Variants in GALNT17 observed in about 807,000 individuals in gnomAD.
GALNT17 encodes the protein UDP-GalNAc:polypeptide N-acetylgalactosaminyltransferase-like 3.
In GALNT17, 29 loss-of-function variants were observed where a neutral mutation model predicts 63.7. The observed-to-expected ratio is 0.46, with a 90% CI of 0.34 to 0.62. The LOEUF (loss-of-function observed/expected upper bound fraction) is 0.62. Among genes scored for constraint, GALNT17 ranks in the 20% least tolerant of loss-of-function variants. GALNT17 has a pLI of 0.01. For synonymous variants in GALNT17, 305 were observed against 318.3 expected (o/e 0.96, Z 0.45); for missense variants, 603 against 799.6 (o/e 0.75, Z 2.97).
chr7:71,625,807 A>G (rs1279119053), intron 6 of GALNT17, among the ~76,000 whole-genome samples: 1 of 152,164 alleles, frequency 6.6e-6, no homozygotes, highest in Non-Finnish European at 1.5e-5. Context: ...GCTAAATTGT[A>G]TACTCCAAAC....
chr7:71,379,997 C>T (rs866285960), intron 2 of GALNT17, among the ~76,000 whole-genome samples: 2 of 152,030 alleles, frequency 1.3e-5, no homozygotes, highest in Non-Finnish European at 2.9e-5. Context: ...GAGAAAAAGC[C>T]CAGATAGGAA....
Position 71,488,837 on chromosome 7 carries a change from C to T in GALNT17, c.962+67732C>T, listed in dbSNP as rs1232469525. Among the ~76,000 whole-genome samples, 8 of 150,414 alleles carry T rather than the reference C, an allele frequency of 5.3e-5. No homozygotes were observed. In the East Asian group the frequency reaches 1.4e-3, roughly 26 times the overall value. ...CCTCAAGTGATCCACCTGCCTCAACCTCCCAAAGTGCTGGGATTACAGGCA... is the reference window on the plus strand; with the variant it reads ...CCTCAAGTGATCCACCTGCCTCAACTTCCCAAAGTGCTGGGATTACAGGCA... On this transcript the variant is annotated intron_variant, in intron 5 of 10. Coordinates refer to ENST00000333538, the MANE Select transcript of GALNT17 (RefSeq NM_022479.3).
At chr7:71,461,193 C>G (rs1787444966) in intron 5 of GALNT17, among the ~76,000 whole-genome samples, 1 of 151,942 alleles carries the variant, frequency 6.6e-6, no homozygotes, top group Non-Finnish European at 1.5e-5. Context: ...ATGCAGCAAC[C>G]CATTTTTCTA....
intron 1 of GALNT17, among the ~76,000 whole-genome samples, chr7:71,184,872 C>T (rs936009506): frequency 2.0e-5 from 3 of 152,006 alleles, no homozygotes; most frequent in African/African-American, 7.2e-5. Flanking sequence ...GATGTGGAGG[C>T]AGCCTGCTGC....
intron 1 of GALNT17, among the ~76,000 whole-genome samples, chr7:71,273,777 G>T (rs984171800): frequency 3.3e-5 from 5 of 152,082 alleles, no homozygotes; most frequent in Non-Finnish European, 7.4e-5. Context: ...TGAAAAGTTT[G>T]ACTTTTAACT....
chr7:71,498,056 C>T (rs1412803035), intron 5 of GALNT17, among the ~76,000 whole-genome samples: 3 of 152,328 alleles, frequency 2.0e-5, no homozygotes, highest in African/African-American at 4.8e-5. Context: ...AGAATTCAGA[C>T]GTGAATGTCC....
At chr7:71,616,222 T>G (rs1197714855) in intron 6 of GALNT17, among the ~76,000 whole-genome samples, 1 of 151,972 alleles carries the variant, frequency 6.6e-6, no homozygotes, top group Non-Finnish European at 1.5e-5. Flanking sequence ...TCGAGTACCC[T>G]AGGGTGGGCG....
chr7:71,520,737 A>T (rs1454723369), intron 5 of GALNT17, among the ~76,000 whole-genome samples: 1 of 152,042 alleles, frequency 6.6e-6, no homozygotes, highest in Non-Finnish European at 1.5e-5. Context: ...CGTTGGAAAG[A>T]TTACTAGGCT....
intron 2 of GALNT17, among the ~76,000 whole-genome samples, chr7:71,346,305 A>G (rs987135810): frequency 1.3e-5 from 2 of 152,180 alleles, no homozygotes; most frequent in South Asian, 4.1e-4. Context: ...TCACATGGAC[A>G]CAGAGAGTAG....
chr7:71,441,031 G>GT (rs201337709), intron 5 of GALNT17, among the ~76,000 whole-genome samples: 3,442 of 149,316 alleles, frequency 0.023, 128 homozygotes, highest in African/African-American at 0.079. Flanking sequence ...TTTTTTTTTG[G>GT]TTTTTTTTTG....
At chr7:71,512,083 A>C (rs1563146465) in intron 5 of GALNT17, among the ~76,000 whole-genome samples, 2 of 149,338 alleles carry the variant, frequency 1.3e-5, no homozygotes, top group Non-Finnish European at 3.0e-5. Context: ...ACTCACTGCA[A>C]CATCCTCCTC....
chr7:71,666,594 C>T (rs1436855257), intron 7 of GALNT17, among the ~76,000 whole-genome samples: 1 of 151,828 alleles, frequency 6.6e-6, no homozygotes, highest in Non-Finnish European at 1.5e-5. Context: ...TCCATTGTAT[C>T]GTTCTTATAC....
chr7:71,567,426 C>T (rs1562693895), intron 5 of GALNT17, among the ~76,000 whole-genome samples: 1 of 152,202 alleles, frequency 6.6e-6, no homozygotes, highest in Non-Finnish European at 1.5e-5. Flanking sequence ...CAGGTTTTCT[C>T]TTGTTTAATC....
chr7:71,708,128 A>G (rs116625548), intron 9 of GALNT17, among the ~76,000 whole-genome samples: 118 of 152,270 alleles, frequency 7.7e-4, no homozygotes, highest in African/African-American at 2.7e-3. Context: ...TACCCTACCC[A>G]TGAATTTTTT....
chr7:71,261,840 A>C (rs773002316), intron 1 of GALNT17, among the ~76,000 whole-genome samples: 2 of 152,146 alleles, frequency 1.3e-5, no homozygotes, highest in African/African-American at 4.8e-5. Context: ...GGTGGTAGTT[A>C]CTATTATTAT....
At chr7:71,544,427 C>A (rs1353420433) in intron 5 of GALNT17, among the ~76,000 whole-genome samples, 5 of 151,928 alleles carry the variant, frequency 3.3e-5, no homozygotes, top group African/African-American at 1.2e-4. Flanking sequence ...CAGGCGTGAG[C>A]CACCACACCC....
chr7:71,535,275 C>A (rs1011721401), intron 5 of GALNT17, among the ~76,000 whole-genome samples: 1 of 152,146 alleles, frequency 6.6e-6, no homozygotes, highest in Non-Finnish European at 1.5e-5. Flanking sequence ...TGAATCCAAG[C>A]CTTGTGATGA....
At chr7:71,269,441 TG>T (rs1790546107) in intron 1 of GALNT17, among the ~76,000 whole-genome samples, 1 of 152,172 alleles carries the variant, frequency 6.6e-6, no homozygotes, top group South Asian at 2.1e-4. Flanking sequence ...TACTTCAGGT[TG>T]GGCAACAGAG....
chr7:71,182,546 C>G (rs948211171), intron 1 of GALNT17, among the ~76,000 whole-genome samples: 1 of 152,142 alleles, frequency 6.6e-6, no homozygotes, highest in African/African-American at 2.4e-5. Flanking sequence ...GATCATTAAT[C>G]AGCATTTAAC....
Sources: gnomAD v4.1 joint callset for allele counts (sites outside exome capture counted in the v4.1 genomes callset) on GRCh38, gnomAD v4.1.1 for gene constraint, MANE v1.5 for transcripts, NCBI Gene and HGNC (gene_info 2026-07-23, HGNC 2026-07-21) for gene names.